JAM3: variants seen among roughly 807,000 people sequenced by gnomAD.
JAM3 encodes the protein junctional adhesion molecule C.
A neutral mutation model predicts 39.4 loss-of-function variants in JAM3; 31 were observed. That is an observed-to-expected ratio of 0.79 (90% CI 0.59 to 1.06). JAM3 has a LOEUF of 1.06. Among genes scored for constraint, JAM3 ranks in the 50% least tolerant of loss-of-function variants. The pLI is 0.00. For synonymous variants in JAM3, 182 were observed against 148.7 expected, an observed-to-expected ratio of 1.22 and a Z score of -1.63; for missense variants, 455 against 391.4, an observed-to-expected ratio of 1.16 and a Z score of -1.37.
At chr11:134,100,995 C>A (rs966425398) in intron 1 of JAM3, among the ~76,000 whole-genome samples, 1 of 152,024 alleles carries the variant, frequency 6.6e-6, no homozygotes. Context: ...TTCAATAAAC[C>A]ATTCTCGGTA....
At chr11:134,142,293 C>A (rs550723071) in intron 3 of JAM3, among the ~76,000 whole-genome samples, 65 of 152,184 alleles carry the variant, frequency 4.3e-4, no homozygotes, top group Non-Finnish European at 9.1e-4. Flanking sequence ...CAGTGCAGGG[C>A]TGCACCAGAG....
intron 1 of JAM3, among the ~76,000 whole-genome samples, chr11:134,137,161 A>G (rs1451237538): frequency 3.9e-5 from 6 of 151,982 alleles, no homozygotes; most frequent in Admixed American, 3.9e-4. Context: ...TTTCTTTGCC[A>G]TAATGCAGAG....
chr11:134,112,835 C>A, intron 1 of JAM3, among the ~76,000 whole-genome samples: 1 of 152,156 alleles, frequency 6.6e-6, no homozygotes, highest in East Asian at 1.9e-4. Flanking sequence ...GATATGACCT[C>A]CAATATGAAT....
chr11:134,101,616 C>T (rs1942073948), intron 1 of JAM3, among the ~76,000 whole-genome samples: 2 of 152,186 alleles, frequency 1.3e-5, no homozygotes, highest in Admixed American at 6.5e-5. Flanking sequence ...ACCTTTGTGC[C>T]TTTGTAATGA....
intron 1 of JAM3, among the ~76,000 whole-genome samples, chr11:134,091,261 C>T (rs972242709): frequency 4.0e-5 from 6 of 151,850 alleles, no homozygotes; most frequent in Admixed American, 1.3e-4. Flanking sequence ...TTTGGGAGGC[C>T]GAGGTGGGTG....
At chr11:134,125,356 G>A (rs11223703) in intron 1 of JAM3, among the ~76,000 whole-genome samples, 2 of 152,030 alleles carry the variant, frequency 1.3e-5, no homozygotes, top group South Asian at 4.1e-4. Context: ...TCCAAGATAG[G>A]GTTTTACTCA....
At chr11:134,134,939 C>T (rs1432656167) in intron 1 of JAM3, among the ~76,000 whole-genome samples, 2 of 151,422 alleles carry the variant, frequency 1.3e-5, no homozygotes, top group Non-Finnish European at 2.9e-5. Flanking sequence ...ATATTTTCTC[C>T]CATTCTGTAT....
At chr11:134,139,208 C>T (rs1942928295) in intron 1 of JAM3, among the ~76,000 whole-genome samples, 2 of 152,194 alleles carry the variant, frequency 1.3e-5, no homozygotes. Context: ...AAAGGGATTG[C>T]CATGCAATTA....
At chr11:134,140,505 A>G (rs1335820928) in intron 2 of JAM3, 152 bp from the exon 3 acceptor site, 3 of 675,794 alleles carry the variant, frequency 4.4e-6, no homozygotes, top group Non-Finnish European at 8.0e-6. Context: ...CTGGCAAAAA[A>G]TCCTTTCTCA....
chr11:134,085,508 T>C (rs934941141), intron 1 of JAM3, among the ~76,000 whole-genome samples: 1 of 152,240 alleles, frequency 6.6e-6, no homozygotes, highest in Non-Finnish European at 1.5e-5. Flanking sequence ...ATTTGTAATA[T>C]TTTTGTGATT....
chr11:134,096,126 G>A (rs896676541), intron 1 of JAM3, among the ~76,000 whole-genome samples: 17 of 152,046 alleles, frequency 1.1e-4, no homozygotes, highest in African/African-American at 1.9e-4. Context: ...ACAGGTGCGC[G>A]CCACTACACC....
intron 1 of JAM3, among the ~76,000 whole-genome samples, chr11:134,074,377 A>T (rs932640622): frequency 4.6e-5 from 7 of 152,232 alleles, no homozygotes; most frequent in African/African-American, 1.7e-4. Flanking sequence ...GTGGAATTTT[A>T]AATTTGGCAC....
At chr11:134,128,450 C>T (rs150211812) in intron 1 of JAM3, among the ~76,000 whole-genome samples, 24 of 152,268 alleles carry the variant, frequency 1.6e-4, no homozygotes, top group African/African-American at 4.6e-4. Context: ...TATGGTTTGG[C>T]GGTGTGTTCC....
intron 1 of JAM3, among the ~76,000 whole-genome samples, chr11:134,098,717 A>G (rs1334193076): frequency 1.3e-5 from 2 of 152,136 alleles, no homozygotes; most frequent in African/African-American, 4.8e-5. Flanking sequence ...CCTGATTTTG[A>G]GGTATACTGC....
At chr11:134,106,393 C>T (rs1228306238) in intron 1 of JAM3, among the ~76,000 whole-genome samples, 1 of 151,896 alleles carries the variant, frequency 6.6e-6, no homozygotes, top group East Asian at 1.9e-4. Context: ...CCATAAAAAC[C>T]CTAGAAGAAA....
In JAM3 at chr11:134,118,087, G is replaced by T. The variant is rs372702303; in HGVS notation, c.77-21764G>T. Among the ~76,000 whole-genome samples, 39 of 152,308 alleles carry T rather than the reference G, an allele frequency of 2.6e-4. No individual in the cohort carries two copies. In the South Asian group the frequency reaches 6.8e-3, roughly 27 times the overall value. The stretch of plus-strand genomic sequence containing the variant: ...ACACAGAAAGTAGCTTCATGCCAAG[G>T]TCTTATGCTCAGGGCAAATATTAGG... On this transcript the variant is annotated intron_variant, in intron 1 of 8. Transcript: ENST00000299106.
At position 134,124,289 on chromosome 11, in the gene JAM3, G is replaced by C. The variant is rs1942596874; in HGVS notation, c.77-15562G>C. 3 of 884,964 alleles carry C rather than the reference G, an allele frequency of 3.4e-6. No homozygotes were observed. In the East Asian group the frequency reaches 7.2e-5, roughly 21 times the overall value. 54.8% of individuals were successfully genotyped at this position (884,964 alleles called of 1,614,324 possible). On this transcript the variant is annotated intron_variant, in intron 1 of 8. Coordinates refer to ENST00000299106, the MANE Select transcript of JAM3 (RefSeq NM_032801.5). ...GGTTGTGAGTTACAAGAAAACGCAT[G>C]TTCTCACAGGAAATCTCCACAGGGG...
intron 1 of JAM3, among the ~76,000 whole-genome samples, chr11:134,091,629 C>A (rs1355237757): frequency 1.0e-4 from 15 of 147,216 alleles, no homozygotes; most frequent in African/African-American, 1.0e-4. Context: ...AACCCCGTGT[C>A]AAAAAAAAAA....
At chr11:134,132,182 G>A (rs1017035109) in intron 1 of JAM3, among the ~76,000 whole-genome samples, 6 of 152,330 alleles carry the variant, frequency 3.9e-5, no homozygotes, top group Admixed American at 1.3e-4. Context: ...CACCCAGAGA[G>A]AGGTGACTCA....
Sources: gnomAD v4.1 joint callset for allele counts (sites outside exome capture counted in the v4.1 genomes callset) on GRCh38, gnomAD v4.1.1 for gene constraint, MANE v1.5 for transcripts, NCBI Gene and HGNC (gene_info 2026-07-23, HGNC 2026-07-21) for gene names.